The following CPEB3 variants were observed in gnomAD, a reference collection of about 807,000 sequenced individuals.
CPEB3 encodes cytoplasmic polyadenylation element binding protein 3.
A neutral mutation model predicts 67.2 loss-of-function variants in CPEB3; 20 were observed. The observed-to-expected ratio is 0.30, with a 90% CI of 0.21 to 0.43. The LOEUF is 0.43. CPEB3 is among the 20% of genes least tolerant of loss of function. CPEB3 has a pLI of 1.00. For missense variants in CPEB3, 746 were observed against 968.6 expected (o/e 0.77, Z 3.05); for synonymous variants, 376 against 393.1 (o/e 0.96, Z 0.51).
chr10:92,115,516 G>T (rs1844976640), intron 6 of CPEB3, among the ~76,000 whole-genome samples: 1 of 152,204 alleles, frequency 6.6e-6, no homozygotes, highest in African/African-American at 2.4e-5. Context: ...ATTTATATTG[G>T]TGCTAATTGG....
chr10:92,107,003 T>C (rs1251531871), intron 7 of CPEB3, among the ~76,000 whole-genome samples: 3 of 151,942 alleles, frequency 2.0e-5, no homozygotes, highest in African/African-American at 7.3e-5. Context: ...CTTAAATAGC[T>C]GGGAAAAGGA....
At chr10:92,267,823 G>GTATT (rs1188826363) in intron 1 of CPEB3, among the ~76,000 whole-genome samples, 2 of 152,060 alleles carry the variant, frequency 1.3e-5, no homozygotes, top group Non-Finnish European at 1.5e-5. Flanking sequence ...CCTATAAAAT[G>GTATT]TATTTATTTA....
At chr10:92,078,934 T>C (rs1178387421) in intron 9 of CPEB3, among the ~76,000 whole-genome samples, 9 of 152,076 alleles carry the variant, frequency 5.9e-5, no homozygotes, top group Non-Finnish European at 1.0e-4. Flanking sequence ...TACTAAGAAA[T>C]AGGCCAGGAG....
In CPEB3 at chr10:92,143,097, C is replaced by A; in HGVS notation, c.1385G>T (p.Arg462Leu). Residue 462 changes from arginine (R) to leucine (L), a missense_variant, in exon 6 of 10, where the codon CGC becomes CTC. Around this residue, in one of 2 missense-constraint regions of CPEB3, gnomAD observed 643 missense variants for 717.5 expected, o/e 0.90. Transcript: ENST00000265997. ...GTCTACTACGAGAGGTCCAAACCTG[C>A]GAAAGCTGGCAGTGATCTCATCTAC... is the stretch of plus-strand genomic sequence containing the variant. ...IDEDEITASFRRFGPLVVDWP... is the reference protein window; with the variant it reads ...IDEDEITASFLRFGPLVVDWP... The A allele has an allele frequency of 6.2e-7, 1 of 1,612,680 alleles. No homozygotes were observed. The highest frequency in any genetic ancestry group is 1.7e-5 in the Admixed American group (1 of 59,912).
At chr10:92,174,379 T>C (rs771450750) in intron 4 of CPEB3, among the ~76,000 whole-genome samples, 1 of 152,186 alleles carries the variant, frequency 6.6e-6, no homozygotes, top group African/African-American at 2.4e-5. Flanking sequence ...AATAGAAATA[T>C]AAGCAAAACC....
intron 2 of CPEB3, among the ~76,000 whole-genome samples, chr10:92,206,714 A>G (rs914642511): frequency 6.6e-6 from 1 of 152,204 alleles, no homozygotes; most frequent in Non-Finnish European, 1.5e-5. Context: ...AGTCCATTTA[A>G]TAACCTTCAG....
chr10:92,168,996 A>C (rs2134004415), intron 4 of CPEB3, among the ~76,000 whole-genome samples: 1 of 150,780 alleles, frequency 6.6e-6, no homozygotes, highest in South Asian at 2.1e-4. Context: ...GGGTTTCATC[A>C]TATTGGTCAG....
At chr10:92,063,930 G>T (rs1309379036) in intron 9 of CPEB3, among the ~76,000 whole-genome samples, 1 of 152,066 alleles carries the variant, frequency 6.6e-6, no homozygotes, top group African/African-American at 2.4e-5. Context: ...ATAAATCTAA[G>T]GCTGGTATCT....
At chr10:92,081,218 A>G in intron 9 of CPEB3, 102 bp downstream of exon 9, 1 of 1,198,680 alleles carries the variant, frequency 8.3e-7, no homozygotes, top group Non-Finnish European at 1.2e-6. Flanking sequence ...CATGCAAGGT[A>G]GAGCTGGTCA....
At chr10:92,194,848 T>C (rs1160913517) in intron 2 of CPEB3, among the ~76,000 whole-genome samples, 1 of 152,060 alleles carries the variant, frequency 6.6e-6, no homozygotes, top group Non-Finnish European at 1.5e-5. Flanking sequence ...GAGACCATCC[T>C]GGCTAACATG....
chr10:92,123,391 AAGGAC>A (rs1845477419), intron 6 of CPEB3, among the ~76,000 whole-genome samples: 1 of 18,898 alleles, frequency 5.3e-5, no homozygotes, highest in Admixed American at 7.9e-4. Context: ...AGTCACAGGC[AAGGAC>A]CAAGGACGCT....
At chr10:92,099,494 C>T (rs762384598) in intron 7 of CPEB3, among the ~76,000 whole-genome samples, 5 of 151,984 alleles carry the variant, frequency 3.3e-5, no homozygotes, top group Non-Finnish European at 7.4e-5. Flanking sequence ...TATATGATAA[C>T]ATCATTTCCT....
rs544488154 is a variant in CPEB3, at chr10:92,202,171, CA to C, written c.1006-9536del. Reference sequence around the variant, plus strand: ...TTCTCATAAATTCCTAGTAGGAATGCAAAATGGCACAGCCACTTTGGAAAAA... The same window carrying C: ...TTCTCATAAATTCCTAGTAGGAATGCAAATGGCACAGCCACTTTGGAAAAA... On this transcript the variant is annotated intron_variant, in intron 2 of 9. Coordinates refer to ENST00000265997, the MANE Select transcript of CPEB3 (RefSeq NM_014912.5). Among the ~76,000 whole-genome samples, 81 of 152,180 alleles carry C rather than the reference CA, an allele frequency of 5.3e-4. No individual in the cohort carries two copies. The East Asian group carries it at 0.014, about 27-fold the overall frequency.
At chr10:92,262,213 T>C (rs770830655) in intron 1 of CPEB3, among the ~76,000 whole-genome samples, 3 of 152,166 alleles carry the variant, frequency 2.0e-5, no homozygotes, top group Non-Finnish European at 4.4e-5. Flanking sequence ...GATCACGATA[T>C]CATCACAGTA....
chr10:92,063,143 T>A (rs1842421018), intron 9 of CPEB3, among the ~76,000 whole-genome samples: 1 of 152,226 alleles, frequency 6.6e-6, no homozygotes, highest in African/African-American at 2.4e-5. Context: ...AACAAACTGA[T>A]CTCAATGCTT....
intron 6 of CPEB3, among the ~76,000 whole-genome samples, chr10:92,118,352 G>C (rs1383926213): frequency 6.6e-6 from 1 of 152,010 alleles, no homozygotes; most frequent in Non-Finnish European, 1.5e-5. Context: ...GGCTGGTATC[G>C]AACTCCTGAC....
chr10:92,120,098 C>CAAAAAAAAAAAAAA (rs34785763), intron 6 of CPEB3, among the ~76,000 whole-genome samples: 1 of 45,284 alleles, frequency 2.2e-5, no homozygotes, highest in Non-Finnish European at 3.7e-5. Flanking sequence ...ACTAAAAATA[C>CAAAAAAAAAAAAAA]AAAAAAAAAA....
chr10:92,088,224 A>ATT (rs1843457134), intron 8 of CPEB3, among the ~76,000 whole-genome samples: 1 of 132,554 alleles, frequency 7.5e-6, no homozygotes, highest in African/African-American at 3.2e-5. Flanking sequence ...TTTCCAACCT[A>ATT]ATTTTTTTTT....
In CPEB3 at chr10:92,240,345, C is replaced by A; in HGVS notation, c.6G>T (p.Gln2His). The A allele has an allele frequency of 6.8e-7, 1 of 1,462,476 alleles. No homozygotes were observed. Among genetic ancestry groups the A allele is most frequent in the Non-Finnish European group, 9.0e-7 (1 of 1,105,578 alleles). 90.6% of individuals were successfully genotyped at this position (1,462,476 alleles called of 1,614,324 possible). M[Q>H]DDLLMDKSKT... ...TGCTTTTGTCCATCAGTAAATCATC[C>A]TGCATGGTTTGCGCAGCTGAAACGG... Residue 2 changes from glutamine (Q) to histidine (H), a missense_variant, in exon 2 of 10, where the codon CAG (glutamine) becomes CAT (histidine). Gln to His is a conservative substitution (Grantham distance 24). This residue lies in a region of CPEB3 where 643 missense variants were observed against 717.5 expected (regional missense o/e 0.90). Transcript: ENST00000265997.
Sources: allele counts gnomAD v4.1 joint callset (sites outside exome capture counted in the v4.1 genomes callset), GRCh38; gene constraint gnomAD v4.1.1; regional missense constraint gnomAD v4.1.1; transcripts MANE v1.5; gene names NCBI Gene and HGNC (gene_info 2026-07-23, HGNC 2026-07-21).